The following GTF2I variants were observed in gnomAD, a reference collection of about 807,000 sequenced individuals.
The protein encoded by GTF2I is general transcription factor IIi, also known as general transcription factor II-I.
In GTF2I, 12 loss-of-function variants were observed where a neutral mutation model predicts 67.6. The ratio of observed to expected loss-of-function variants is 0.18; its 90% CI spans 0.11 to 0.29. The LOEUF (loss-of-function observed/expected upper bound fraction) is 0.29, where lower values mean the gene tolerates loss of function less well. Among genes scored for constraint, GTF2I ranks in the 10% least tolerant of loss-of-function variants. The pLI is 1.00. For missense variants in GTF2I, 271 were observed against 580.1 expected (o/e 0.47, Z 5.47); for synonymous variants, 149 against 197.0 (o/e 0.76, Z 2.04).
chr7:74,670,089 A>T (rs1805322576), intron 1 of GTF2I, among the ~76,000 whole-genome samples: 1 of 152,182 alleles, frequency 6.6e-6, no homozygotes, highest in Non-Finnish European at 1.5e-5. Context: ...TTTTATGTAA[A>T]TTAATAGATA....
intron 8 of GTF2I, among the ~76,000 whole-genome samples, chr7:74,709,250 A>T (rs587748206): frequency 7.4e-4 from 112 of 151,972 alleles, no homozygotes; most frequent in African/African-American, 2.6e-3. Flanking sequence ...TTTTATTTTT[A>T]TTTATTTATA....
intron 1 of GTF2I, among the ~76,000 whole-genome samples, chr7:74,659,715 A>G (rs984866915): frequency 6.6e-6 from 1 of 151,732 alleles, no homozygotes; most frequent in Non-Finnish European, 1.5e-5. Context: ...GCTAATTTAA[A>G]ATTTTTTTTT....
At chr7:74,727,559 A>G (rs1286432708) in intron 12 of GTF2I, 1 of 152,252 alleles carries the variant, frequency 6.6e-6, no homozygotes, top group Non-Finnish European at 1.5e-5. Flanking sequence ...CCATCTAAAA[A>G]GATAGTGTCT....
intron 1 of GTF2I, among the ~76,000 whole-genome samples, chr7:74,659,066 G>GCTGA (rs556358940): frequency 0.42 from 63,779 of 151,444 alleles, 16,829 homozygotes; most frequent in East Asian, 0.84. Context: ...CGCAGCTCTT[G>GCTGA]CTGACTACTG....
chr7:74,659,822 C>T (rs149702274), intron 1 of GTF2I, among the ~76,000 whole-genome samples: 4 of 152,144 alleles, frequency 2.6e-5, no homozygotes, highest in Admixed American at 2.6e-4. Context: ...GGAGTACAGG[C>T]TTGAGCCACC....
chr7:74,676,906 AAAGC>A (rs1805951050), intron 1 of GTF2I, among the ~76,000 whole-genome samples: 1 of 152,006 alleles, frequency 6.6e-6, no homozygotes, highest in Non-Finnish European at 1.5e-5. Context: ...AAATACAAAA[AAAGC>A]TAGCTGGGTG....
chr7:74,669,643 C>T (rs1356486253), intron 1 of GTF2I, among the ~76,000 whole-genome samples: 1 of 151,732 alleles, frequency 6.6e-6, no homozygotes, highest in South Asian at 2.1e-4. Flanking sequence ...AAGCTCTTCT[C>T]GTGCCTCAGC....
intron 1 of GTF2I, among the ~76,000 whole-genome samples, chr7:74,681,285 A>G (rs587699887): frequency 2.6e-5 from 4 of 152,198 alleles, no homozygotes; most frequent in African/African-American, 7.2e-5. Flanking sequence ...AAATACAAAA[A>G]TTAGCTGGGT....
At chr7:74,665,274 C>G (rs1804875653) in intron 1 of GTF2I, among the ~76,000 whole-genome samples, 2 of 151,654 alleles carry the variant, frequency 1.3e-5, no homozygotes. Flanking sequence ...TTTTTTGAGA[C>G]AGTGTCTTGC....
intron 1 of GTF2I, chr7:74,688,842 T>A: frequency 2.8e-6 from 1 of 353,708 alleles, no homozygotes; most frequent in Non-Finnish European, 5.2e-6. Flanking sequence ...GTCTTGTTCT[T>A]ACTTGGGAGA....
intron 1 of GTF2I, among the ~76,000 whole-genome samples, chr7:74,670,084 T>G (rs1295806690): frequency 6.6e-6 from 1 of 152,246 alleles, no homozygotes; most frequent in African/African-American, 2.4e-5. Context: ...TGAGTTTTTA[T>G]GTAAATTAAT....
chr7:74,659,247 A>G (rs1804253106), intron 1 of GTF2I, among the ~76,000 whole-genome samples: 3 of 151,390 alleles, frequency 2.0e-5, no homozygotes, highest in Admixed American at 2.0e-4. Context: ...TTTTTTAGAA[A>G]CAGGGTCTCT....
At chr7:74,676,864 T>G (rs2131239463) in intron 1 of GTF2I, among the ~76,000 whole-genome samples, 1 of 152,184 alleles carries the variant, frequency 6.6e-6, no homozygotes, top group East Asian at 1.9e-4. Context: ...AAGACCAGCC[T>G]GGCCAACATG....
chr7:74,681,548 G>C (rs1180647209), intron 1 of GTF2I, among the ~76,000 whole-genome samples: 1 of 152,182 alleles, frequency 6.6e-6, no homozygotes, highest in East Asian at 1.9e-4. Context: ...GTGTCATCTT[G>C]TTCTGACCAG....
At chr7:74,687,795 C>T (rs180990175) in intron 1 of GTF2I, among the ~76,000 whole-genome samples, 92 of 152,272 alleles carry the variant, frequency 6.0e-4, no homozygotes, top group Admixed American at 1.7e-3. Flanking sequence ...CGGGTGTTGT[C>T]AGTAAATTAA....
intron 7 of GTF2I, 68 bp from the exon 8 acceptor site, chr7:74,706,322 G>T: frequency 3.0e-6 from 4 of 1,335,514 alleles, no homozygotes; most frequent in South Asian, 1.2e-5. Flanking sequence ...GAGACCCAGA[G>T]ACTTTGAATG....
intron 12 of GTF2I, among the ~76,000 whole-genome samples, chr7:74,720,473 TTC>T (rs1792811770): frequency 6.6e-6 from 1 of 152,198 alleles, no homozygotes; most frequent in Non-Finnish European, 1.5e-5. Context: ...ATATACAGAT[TTC>T]TTTTTTCATA....
intron 12 of GTF2I, among the ~76,000 whole-genome samples, chr7:74,728,459 T>C (rs1353450905): frequency 7.3e-6 from 1 of 137,556 alleles, no homozygotes; most frequent in Non-Finnish European, 1.5e-5. Flanking sequence ...TAAAAGTTTT[T>C]TCTTGAAAGT....
chr7:74,704,951 T>C (rs1212422921), intron 6 of GTF2I, among the ~76,000 whole-genome samples: 1 of 151,086 alleles, frequency 6.6e-6, no homozygotes, highest in Non-Finnish European at 1.5e-5. Flanking sequence ...AGACAAATGG[T>C]ATGTTTCTGC....
Sources: allele counts gnomAD v4.1 joint callset (sites outside exome capture counted in the v4.1 genomes callset), GRCh38; gene constraint gnomAD v4.1.1; transcripts MANE v1.5; gene names NCBI Gene and HGNC (gene_info 2026-07-23, HGNC 2026-07-21).